SYNDIG1L: variants seen among roughly 807,000 people sequenced by gnomAD.
SYNDIG1L encodes synapse differentiation inducing 1 like, also known as synapse differentiation-inducing gene protein 1-like.
In SYNDIG1L, 13 loss-of-function variants were observed where a neutral mutation model predicts 20.1. The ratio of observed to expected loss-of-function variants is 0.65; its 90% CI spans 0.42 to 1.03. The LOEUF is 1.03. SYNDIG1L is among the 50% of genes least tolerant of loss of function. SYNDIG1L has a pLI of 0.00. For synonymous variants in SYNDIG1L, 128 were observed against 129.3 expected (o/e 0.99, Z 0.07); for missense variants, 294 against 305.1 (o/e 0.96, Z 0.27).
chr14:74,416,666 CAAACAA>C (rs2086177847), intron 1 of SYNDIG1L, among the ~76,000 whole-genome samples: 1 of 151,896 alleles, frequency 6.6e-6, no homozygotes, highest in African/African-American at 2.4e-5. Context: ...AACAAACAAA[CAAACAA>C]AAAAGATAGA....
the SYNDIG1L span, among the ~76,000 whole-genome samples, chr14:74,462,655 GC>G: frequency 6.6e-6 from 1 of 151,976 alleles, no homozygotes; most frequent in Non-Finnish European, 1.5e-5. Flanking sequence ...ATAGGTGTGT[GC>G]CACTATGCTG....
At chr14:74,444,516 C>T in the SYNDIG1L span, among the ~76,000 whole-genome samples, 12,374 of 151,346 alleles carry the variant, frequency 0.082, 816 homozygotes, top group South Asian at 0.2. Context: ...TTTGGGAGGC[C>T]GAGATGGGCA....
the SYNDIG1L span, among the ~76,000 whole-genome samples, chr14:74,465,414 T>C: frequency 1.3e-5 from 2 of 152,174 alleles, no homozygotes; most frequent in Non-Finnish European, 2.9e-5. Flanking sequence ...TTTCTTCCAA[T>C]GGCCCCACCA....
the SYNDIG1L span, among the ~76,000 whole-genome samples, chr14:74,453,928 C>T: frequency 1.3e-5 from 2 of 151,972 alleles, no homozygotes; most frequent in Admixed American, 1.3e-4. Flanking sequence ...ATTGTGCTAC[C>T]ACACTCCAGC....
Position 74,407,767 on chromosome 14 carries a change from G to T in SYNDIG1L, c.559-74C>A, listed in dbSNP as rs553938804. On this transcript the variant is annotated intron_variant, in intron 3 of 3. Transcript: ENST00000331628. ...AAACAGCCCAGCCTGCCAGGCCCCT[G>T]ACCCCATCCTGCAGACGGGATGCCA... is the stretch of plus-strand genomic sequence containing the variant. 3 of 1,576,352 alleles carry T rather than the reference G, an allele frequency of 1.9e-6. No homozygotes were observed. The African/African-American group carries it at 4.0e-5, about 21-fold the overall frequency.
the SYNDIG1L span, among the ~76,000 whole-genome samples, chr14:74,443,087 T>C: frequency 7.9e-5 from 12 of 152,346 alleles, no homozygotes; most frequent in African/African-American, 2.9e-4. Context: ...ATCAACACTA[T>C]ACATATGCAT....
At chr14:74,476,710 C>T in the SYNDIG1L span, 2 of 696,044 alleles carry the variant, frequency 2.9e-6, no homozygotes, top group South Asian at 1.8e-5. Context: ...TGCAGGCCAT[C>T]TCCTGGTCTC....
chr14:74,424,584 G>A (rs1269757998), intron 1 of SYNDIG1L, among the ~76,000 whole-genome samples: 1 of 152,196 alleles, frequency 6.6e-6, no homozygotes, highest in Non-Finnish European at 1.5e-5. Context: ...GATGATGGAA[G>A]AGGAGAAGAA....
chr14:74,476,515 A>C, the SYNDIG1L span: 5 of 1,535,472 alleles, frequency 3.3e-6, no homozygotes, highest in Non-Finnish European at 4.4e-6. Context: ...TCAGGCTCTT[A>C]GTCTCCATTT....
chr14:74,429,838 C>A (rs2086290768), upstream of SYNDIG1L, among the ~76,000 whole-genome samples: 1 of 152,236 alleles, frequency 6.6e-6, no homozygotes, highest in Admixed American at 6.5e-5. Flanking sequence ...CCTGGAAACC[C>A]TTACTGCTTC....
At chr14:74,434,514 T>A in the SYNDIG1L span, among the ~76,000 whole-genome samples, 1 of 150,578 alleles carries the variant, frequency 6.6e-6, no homozygotes, top group Admixed American at 6.6e-5. Context: ...GGAAACACAG[T>A]GGAGGGGGAG....
At chr14:74,434,581 T>C in the SYNDIG1L span, among the ~76,000 whole-genome samples, 3 of 151,340 alleles carry the variant, frequency 2.0e-5, no homozygotes, top group Non-Finnish European at 4.4e-5. Flanking sequence ...CAAGGCAAGC[T>C]GGAACATCCA....
At chr14:74,409,251 A>C in intron 2 of SYNDIG1L, 77 bp downstream of exon 2, 2 of 1,130,952 alleles carry the variant, frequency 1.8e-6, no homozygotes, top group Non-Finnish European at 2.4e-6. Flanking sequence ...GCTAATTTTC[A>C]ATTTTTTTTT....
the SYNDIG1L span, among the ~76,000 whole-genome samples, chr14:74,462,254 T>G: frequency 1.3e-5 from 2 of 151,178 alleles, no homozygotes; most frequent in African/African-American, 4.9e-5. Context: ...GAGGCTGAGG[T>G]GGGTGGATCA....
In SYNDIG1L at chr14:74,406,323, C is replaced by T. The variant is rs556143661; in HGVS notation, c.*1212G>A. The T allele has an allele frequency of 4.6e-5, 17 of 372,304 alleles. No individual in the cohort carries two copies. Among genetic ancestry groups the T allele is most frequent in the Middle Eastern group, 6.7e-4 (1 of 1,500 alleles). The allele number at this position is 372,304 out of a possible 1,614,324, so 23.1% of individuals were successfully genotyped here. ...ATTGGTCTTTGAGAGACAGGTGTGA[C>T]GTTCCTCCTTGAGTTGGCAGAACCC... On this transcript the variant is annotated 3_prime_UTR_variant, in exon 4 of 4. Coordinates refer to ENST00000331628, the MANE Select transcript of SYNDIG1L (RefSeq NM_001105579.2).
the SYNDIG1L span, among the ~76,000 whole-genome samples, chr14:74,467,405 C>T: frequency 6.6e-6 from 1 of 152,258 alleles, no homozygotes; most frequent in African/African-American, 2.4e-5. Context: ...TGTGCTCCCA[C>T]CTACCTTAGG....
At chr14:74,431,438 T>C in the SYNDIG1L span, among the ~76,000 whole-genome samples, 2 of 152,194 alleles carry the variant, frequency 1.3e-5, no homozygotes, top group Non-Finnish European at 2.9e-5. Flanking sequence ...GAACTTGTTA[T>C]ACTCTTTGGT....
At chr14:74,439,170 C>T in the SYNDIG1L span, among the ~76,000 whole-genome samples, 1 of 151,028 alleles carries the variant, frequency 6.6e-6, no homozygotes, top group East Asian at 2.0e-4. Context: ...GGTGTCTTTT[C>T]CCAGACTCCT....
At chr14:74,463,952 C>A in the SYNDIG1L span, among the ~76,000 whole-genome samples, 4 of 142,802 alleles carry the variant, frequency 2.8e-5, no homozygotes, top group Non-Finnish European at 6.2e-5. Flanking sequence ...AACCGGGCAA[C>A]TCACCAAGCC....
Sources: allele counts gnomAD v4.1 joint callset (sites outside exome capture counted in the v4.1 genomes callset), GRCh38; gene constraint gnomAD v4.1.1; transcripts MANE v1.5; gene names NCBI Gene and HGNC (gene_info 2026-07-23, HGNC 2026-07-21).